Variants in INPP4B observed in about 807,000 individuals in gnomAD.
The protein encoded by INPP4B is inositol polyphosphate 4-phosphatase type II.
Under a neutral mutation model 122.5 loss-of-function variants are expected in INPP4B, and 55 were observed. The observed-to-expected ratio is 0.45, with a 90% CI of 0.36 to 0.56. The LOEUF (loss-of-function observed/expected upper bound fraction) is 0.56, where lower values mean the gene tolerates loss of function less well. Ranked by LOEUF, INPP4B falls within the 20% of genes least tolerant of loss-of-function variation. The pLI, the probability that INPP4B is intolerant of heterozygous loss-of-function variation, is 0.00. For synonymous variants in INPP4B, 403 were observed against 388.7 expected (o/e 1.04, Z -0.43); for missense variants, 1,000 against 1,097.7 (o/e 0.91, Z 1.26).
intron 21 of INPP4B, among the ~76,000 whole-genome samples, chr4:142,118,114 C>A (rs191413996): frequency 1.3e-5 from 2 of 152,104 alleles, no homozygotes. Flanking sequence ...GCAAGGAGAA[C>A]TACAAACCAC....
chr4:142,565,688 A>C (rs1731471978), intron 2 of INPP4B, among the ~76,000 whole-genome samples: 1 of 152,182 alleles, frequency 6.6e-6, no homozygotes, highest in African/African-American at 2.4e-5. Context: ...CTCTCAAATT[A>C]TTTTCCCATG....
chr4:142,804,735 T>C (rs1349957343), intron 1 of INPP4B, among the ~76,000 whole-genome samples: 2 of 152,190 alleles, frequency 1.3e-5, no homozygotes, highest in Non-Finnish European at 2.9e-5. Context: ...GGCACAATCA[T>C]GGCTCACCGC....
At chr4:142,095,394 T>C (rs987237719) in intron 23 of INPP4B, among the ~76,000 whole-genome samples, 5 of 152,204 alleles carry the variant, frequency 3.3e-5, no homozygotes, top group Admixed American at 3.3e-4. Context: ...TTGTTAATTG[T>C]CTTTAATTTG....
chr4:142,295,261 C>T (rs573221436), intron 9 of INPP4B, among the ~76,000 whole-genome samples: 28 of 152,268 alleles, frequency 1.8e-4, no homozygotes, highest in Middle Eastern at 3.4e-3. Flanking sequence ...TTCCACTTTT[C>T]GCCATACTTC....
intron 2 of INPP4B, among the ~76,000 whole-genome samples, chr4:142,521,737 G>C (rs889854757): frequency 2.0e-5 from 3 of 151,956 alleles, no homozygotes; most frequent in Non-Finnish European, 4.4e-5. Context: ...TAATACATAA[G>C]ATTTCTGTGT....
intron 5 of INPP4B, among the ~76,000 whole-genome samples, chr4:142,416,161 A>T (rs957650771): frequency 5.9e-5 from 9 of 152,180 alleles, no homozygotes; most frequent in African/African-American, 1.4e-4. Context: ...AATAAAAAAA[A>T]TAGTGTCAGG....
intron 23 of INPP4B, 39 bp from the exon 24 acceptor site, chr4:142,086,295 C>T (rs748595877): frequency 8.8e-7 from 1 of 1,135,616 alleles, no homozygotes; most frequent in Non-Finnish European, 1.3e-6. Flanking sequence ...TAAAATGAGA[C>T]AGTGTTCACA....
At chr4:142,305,887 G>T in intron 8 of INPP4B, 1 of 1,060,360 alleles carries the variant, frequency 9.4e-7, no homozygotes. Context: ...CAATGCTGTT[G>T]TTCCTCTTAT....
At chr4:142,796,988 T>G (rs1478608313) in intron 1 of INPP4B, among the ~76,000 whole-genome samples, 1 of 150,268 alleles carries the variant, frequency 6.7e-6, no homozygotes, top group Non-Finnish European at 1.5e-5. Context: ...TTCTCAAACA[T>G]AAACAGAAAA....
chr4:142,429,322 T>C (rs1808794229), intron 4 of INPP4B, 105 bp from the exon 5 acceptor site: 1 of 619,434 alleles, frequency 1.6e-6, no homozygotes, highest in Non-Finnish European at 2.8e-6. Context: ...ATAAAGACAG[T>C]ATTTGGCAGA....
At chr4:142,214,709 C>G (rs548593730) in intron 12 of INPP4B, among the ~76,000 whole-genome samples, 1 of 152,206 alleles carries the variant, frequency 6.6e-6, no homozygotes, top group East Asian at 1.9e-4. Flanking sequence ...CCTGCCATCA[C>G]GCCTGGCTAA....
chr4:142,759,600 G>A (rs1009773082), intron 1 of INPP4B, among the ~76,000 whole-genome samples: 1 of 151,890 alleles, frequency 6.6e-6, no homozygotes, highest in Non-Finnish European at 1.5e-5. Flanking sequence ...AACAATTTTT[G>A]TATGTGTCTC....
intron 3 of INPP4B, among the ~76,000 whole-genome samples, chr4:142,438,307 C>A (rs59093977): frequency 3.9e-5 from 6 of 152,066 alleles, no homozygotes; most frequent in African/African-American, 1.4e-4. Flanking sequence ...AACTATACTA[C>A]AAGGCTATAG....
At chr4:142,284,861 AG>A (rs1360739810) in intron 9 of INPP4B, among the ~76,000 whole-genome samples, 1 of 152,192 alleles carries the variant, frequency 6.6e-6, no homozygotes, top group East Asian at 1.9e-4. Flanking sequence ...CTCTGGGCTT[AG>A]CCACAGTTTT....
chr4:142,778,971 T>C (rs1425347194), intron 1 of INPP4B, among the ~76,000 whole-genome samples: 3 of 152,066 alleles, frequency 2.0e-5, no homozygotes, highest in African/African-American at 7.2e-5. Flanking sequence ...TACTTGTCCC[T>C]CCCCATGAAT....
chr4:142,294,849 A>AAAAAAAAAAAAAAAAAAAC (rs1757954580), intron 9 of INPP4B, among the ~76,000 whole-genome samples: 1 of 147,356 alleles, frequency 6.8e-6, no homozygotes, highest in Non-Finnish European at 1.5e-5. Context: ...AAAAAAAAAA[A>AAAAAAAAAAAAAAAAAAAC]AAAAAAAGGC....
intron 12 of INPP4B, among the ~76,000 whole-genome samples, chr4:142,210,273 T>C (rs992700112): frequency 2.0e-4 from 31 of 152,360 alleles, no homozygotes; most frequent in African/African-American, 6.7e-4. Context: ...TGCTTTCAAA[T>C]GGTTGTAGCT....
intron 1 of INPP4B, among the ~76,000 whole-genome samples, chr4:142,740,965 C>T (rs886306627): frequency 7.9e-5 from 12 of 151,934 alleles, no homozygotes; most frequent in African/African-American, 1.2e-4. Flanking sequence ...AATAAGTTCG[C>T]AATCCAAAAT....
At chr4:142,255,868 C>G (rs1339014156) in intron 11 of INPP4B, among the ~76,000 whole-genome samples, 2 of 150,398 alleles carry the variant, frequency 1.3e-5, no homozygotes, top group Non-Finnish European at 3.0e-5. Flanking sequence ...TAGACATCTA[C>G]AGAACTCTCC....
Sources: gnomAD v4.1 joint callset for allele counts (sites outside exome capture counted in the v4.1 genomes callset) on GRCh38, gnomAD v4.1.1 for gene constraint, MANE v1.5 for transcripts, NCBI Gene and HGNC (gene_info 2026-07-23, HGNC 2026-07-21) for gene names.